Variants in SREBF2 observed in about 807,000 individuals in gnomAD.
The protein encoded by SREBF2 is sterol regulatory element-binding protein 2.
Under a neutral mutation model 113.1 loss-of-function variants are expected in SREBF2, and 55 were observed. The observed-to-expected ratio is 0.49, with a 90% CI of 0.39 to 0.61. The LOEUF (loss-of-function observed/expected upper bound fraction) is 0.61. SREBF2 is among the 20% of genes least tolerant of loss of function. The pLI is 0.00. For synonymous variants in SREBF2, 593 were observed against 605.7 expected, an observed-to-expected ratio of 0.98 and a Z score of 0.31; for missense variants, 1,349 against 1,487.4, an observed-to-expected ratio of 0.91 and a Z score of 1.53.
chr22:41,899,965 G>C, intron 15 of SREBF2: 3 of 1,191,418 alleles, frequency 2.5e-6, no homozygotes, highest in Admixed American at 7.3e-5. Flanking sequence ...CCACATCTCT[G>C]GGGGGGTGGT....
In SREBF2 at chr22:41,875,530, G is replaced by A. The variant is rs923239240; in HGVS notation, c.1205-13G>A. On this transcript the variant is annotated splice_polypyrimidine_tract_variant and intron_variant, in intron 6 of 18. Transcript: ENST00000361204. Reference sequence around the variant, plus strand: ...AAGCAGATCATTTTCACCAGGTGGGGTTTTCTTTGCAGAGCTTCTAAAGGG... The same window carrying A: ...AAGCAGATCATTTTCACCAGGTGGGATTTTCTTTGCAGAGCTTCTAAAGGG... 27 of 1,614,118 alleles carry A rather than the reference G, an allele frequency of 1.7e-5. No homozygotes were observed. The highest frequency in any genetic ancestry group is 2.0e-5 in the Non-Finnish European group (24 of 1,180,054).
chr22:41,892,840 G>A (rs564781126), intron 11 of SREBF2, among the ~76,000 whole-genome samples: 1 of 152,240 alleles, frequency 6.6e-6, no homozygotes, highest in South Asian at 2.1e-4. Flanking sequence ...AGCAGGACAG[G>A]ATGCAGCAGG....
chr22:41,844,736 C>T (rs2076861675), intron 1 of SREBF2, among the ~76,000 whole-genome samples: 1 of 152,146 alleles, frequency 6.6e-6, no homozygotes, highest in African/African-American at 2.4e-5. Context: ...AAATTTCGAG[C>T]TGCTGAACCA....
chr22:41,847,537 G>A (rs898023709), intron 1 of SREBF2, among the ~76,000 whole-genome samples: 3 of 152,204 alleles, frequency 2.0e-5, no homozygotes, highest in African/African-American at 7.2e-5. Context: ...CACTTACTGA[G>A]CACCTGTCCA....
At chr22:41,859,799 C>CTTTTTTTTTTT (rs1174473976) in intron 1 of SREBF2, among the ~76,000 whole-genome samples, 6 of 54,366 alleles carry the variant, frequency 1.1e-4, no homozygotes, top group Non-Finnish European at 1.0e-4. Context: ...TATGGTGATT[C>CTTTTTTTTTTT]TTTTTTTTTT....
chr22:41,877,492 A>G, intron 8 of SREBF2, 71 bp downstream of exon 8: 1 of 1,555,086 alleles, frequency 6.4e-7, no homozygotes, highest in Admixed American at 1.9e-5. Flanking sequence ...CCTGTGTACA[A>G]ACTTCTTGGC....
At chr22:41,851,928 G>A (rs8140722) in intron 1 of SREBF2, among the ~76,000 whole-genome samples, 91,114 of 151,686 alleles carry the variant, frequency 0.6, 28,351 homozygotes, top group East Asian at 0.92. Flanking sequence ...AGACCATCCT[G>A]GCTAACACGG....
Position 41,902,847 on chromosome 22 carries a change from G to A in SREBF2, c.2908-123G>A, listed in dbSNP as rs17848335. ...CCTGCGGAGTTCACCAGACTCTGGG[G>A]CTCTCCACTTCCTCCCAGAGCTGCT... On this transcript the variant is annotated intron_variant, in intron 16 of 18. Coordinates refer to ENST00000361204, the MANE Select transcript of SREBF2 (RefSeq NM_004599.4). 7.7e-5 allele frequency: 83 copies of A among 1,080,312 alleles called. No homozygotes were observed. The East Asian group carries it at 2.1e-3, about 27-fold the overall frequency. The allele number at this position is 1,080,312 out of a possible 1,614,324, so 66.9% of individuals were successfully genotyped here. A position where few individuals can be genotyped will look rare whatever the true frequency, so the allele number is the denominator to read the frequency against.
At chr22:41,881,448 G>A (rs2077245063) in intron 10 of SREBF2, among the ~76,000 whole-genome samples, 1 of 152,210 alleles carries the variant, frequency 6.6e-6, no homozygotes, top group Admixed American at 6.5e-5. Flanking sequence ...TGTTTTCGTT[G>A]GGAGGGAGTG....
chr22:41,875,772 C>G, intron 7 of SREBF2, 48 bp downstream of exon 7: 1 of 1,605,814 alleles, frequency 6.2e-7, no homozygotes, highest in Non-Finnish European at 8.5e-7. Flanking sequence ...TCCCATTTCC[C>G]CTAAGAAGAT....
Position 41,873,799 on chromosome 22 carries a change from C to T in SREBF2, c.869C>T (p.Thr290Ile). Residue 290 changes from threonine to isoleucine, a missense_variant and splice_region_variant, in exon 5 of 19, where the codon ACC (threonine) becomes ATC (isoleucine). Physicochemically the swap from Thr to Ile is moderately conservative, Grantham distance 89. Coordinates refer to ENST00000361204, the MANE Select transcript of SREBF2 (RefSeq NM_004599.4). ...PIQTAALQVP[T>I]LVGSSGTILT... ...GCTGTGTACCTGTCCCTATTCTAGA[C>T]CCTGGTGGGCAGCAGTGGGACCATT... 1 of 1,603,176 alleles carries T rather than the reference C, an allele frequency of 6.2e-7. No homozygotes were observed. Among genetic ancestry groups the T allele is most frequent in the Non-Finnish European group, 8.5e-7 (1 of 1,174,482 alleles).
Position 41,875,388 on chromosome 22 carries a change from C to G in SREBF2, c.1141C>G (p.Gln381Glu), listed in dbSNP as rs753749366. ...GGCCATTGATTACATCAAATACTTG[C>G]AGCAGGTCAATCATAAACTGCGCCA... ...RKAIDYIKYL[Q>E]QVNHKLRQEN... Residue 381 changes from glutamine (Q) to glutamate (E), a missense_variant, in exon 6 of 19, where the codon CAG becomes GAG. Physicochemically the swap from Gln to Glu is conservative, Grantham distance 29. This residue lies in a region of SREBF2 where 699 missense variants were observed against 843.3 expected (regional missense o/e 0.83). Transcript: ENST00000361204. 4.3e-6 allele frequency: 7 copies of G among 1,614,030 alleles called. No individual in the cohort carries two copies. The highest frequency in any genetic ancestry group is 1.1e-5 in the South Asian group (1 of 91,090).
intron 2 of SREBF2, 66 bp downstream of exon 2, chr22:41,867,346 C>A: frequency 6.5e-7 from 1 of 1,544,066 alleles, no homozygotes; most frequent in Non-Finnish European, 8.9e-7. Context: ...TTTGCAGACA[C>A]TGTAAATATT....
chr22:41,896,002 G>A (rs779302005), intron 13 of SREBF2, among the ~76,000 whole-genome samples: 4 of 151,984 alleles, frequency 2.6e-5, no homozygotes, highest in South Asian at 2.1e-4. Flanking sequence ...TTAGCCAGGC[G>A]TGGTGGCGGG....
intron 1 of SREBF2, among the ~76,000 whole-genome samples, chr22:41,841,961 C>T (rs2076834057): frequency 1.3e-5 from 2 of 152,158 alleles, no homozygotes; most frequent in Non-Finnish European, 2.9e-5. Flanking sequence ...GTTCTGAATA[C>T]TTGTGAACAA....
At chr22:41,903,337 C>T (rs1023893476) in intron 17 of SREBF2, among the ~76,000 whole-genome samples, 182 bp downstream of exon 17, 1 of 152,240 alleles carries the variant, frequency 6.6e-6, no homozygotes, top group African/African-American at 2.4e-5. Flanking sequence ...TCCCTGTGTT[C>T]AGCACACATT....
At chr22:41,895,209 G>A (rs531126066) in intron 13 of SREBF2, among the ~76,000 whole-genome samples, 1 of 146,038 alleles carries the variant, frequency 6.8e-6, no homozygotes, top group African/African-American at 2.5e-5. Context: ...GCGCAATCTT[G>A]GCACACTGCA....
At chr22:41,840,424 G>A (rs1602264333) in intron 1 of SREBF2, among the ~76,000 whole-genome samples, 1 of 147,184 alleles carries the variant, frequency 6.8e-6, no homozygotes, top group African/African-American at 2.6e-5. Context: ...TCACCCTTGG[G>A]GGCAATGTTG....
chr22:41,848,386 C>T (rs1364501248), intron 1 of SREBF2, among the ~76,000 whole-genome samples: 1 of 152,124 alleles, frequency 6.6e-6, no homozygotes, highest in Non-Finnish European at 1.5e-5. Flanking sequence ...CGCGCCTGGC[C>T]TTCAAAGTCT....
Sources: allele counts gnomAD v4.1 joint callset (sites outside exome capture counted in the v4.1 genomes callset), GRCh38; gene constraint gnomAD v4.1.1; regional missense constraint gnomAD v4.1.1; transcripts MANE v1.5; gene names NCBI Gene and HGNC (gene_info 2026-07-23, HGNC 2026-07-21).